MSN: variants seen among roughly 807,000 people sequenced by gnomAD.
The protein encoded by MSN is epididymis luminal protein 70.
Under a neutral mutation model 48.0 loss-of-function variants are expected in MSN, and 2 were observed. That is an observed-to-expected ratio of 0.04 (90% CI 0.02 to 0.13). The LOEUF (loss-of-function observed/expected upper bound fraction) is 0.13, where lower values mean the gene tolerates loss of function less well. Ranked by LOEUF, MSN falls within the 10% of genes least tolerant of loss-of-function variation. MSN has a pLI of 1.00. For synonymous variants in MSN, 146 were observed against 166.9 expected (o/e 0.87, Z 0.97); for missense variants, 267 against 470.1 (o/e 0.57, Z 3.99).
chrX:65,648,053 TAGAG>T (rs920276742), intron 1 of MSN, among the ~76,000 whole-genome samples: 1 of 104,369 alleles, frequency 9.6e-6, no homozygotes, highest in Non-Finnish European at 1.9e-5. Flanking sequence ...GCAGTGGACA[TAGAG>T]AGAAGCAGAC....
chrX:65,667,555 G>A (rs1170755237), upstream of MSN: 12 of 777,409 alleles, frequency 1.5e-5, no homozygotes, highest in African/African-American at 2.3e-5. Context: ...AGGCGGGGCT[G>A]GGCGGGGCAA....
intron 1 of MSN, among the ~76,000 whole-genome samples, chrX:65,688,866 T>C (rs950335635): frequency 8.9e-6 from 1 of 111,902 alleles, no homozygotes; most frequent in African/African-American, 3.3e-5. Context: ...TAATTGTGCT[T>C]TCCACCTGGT....
intron 1 of MSN, among the ~76,000 whole-genome samples, chrX:65,628,650 T>C (rs192705065): frequency 8.9e-6 from 1 of 112,298 alleles, no homozygotes; most frequent in East Asian, 2.8e-4. Flanking sequence ...ATTAGGCTCC[T>C]TGCTACTTAT....
At chrX:65,598,261 C>T (rs2070202721) in intron 1 of MSN, among the ~76,000 whole-genome samples, 1 of 107,431 alleles carries the variant, frequency 9.3e-6, no homozygotes, top group African/African-American at 3.4e-5. Context: ...GAGGGAAAGA[C>T]TAAAGAGGAA....
rs2071059802 is a variant in MSN at position 65,681,943 on chromosome X, T to G, written c.12+14090T>G. Among the ~76,000 whole-genome samples the G allele has an allele frequency of 4.5e-5, 5 of 111,231 alleles. No homozygotes were observed. In the South Asian group the frequency reaches 1.9e-3, roughly 42 times the overall value. On this transcript the variant is annotated intron_variant, in intron 1 of 12. Transcript: ENST00000360270. ...TTATTTTTTTTTTAAGTAGGAAGTA[T>G]GCAGGGAAGTACCATCTCCTCACTC...
chrX:65,644,032 C>G (rs745804523), intron 1 of MSN, among the ~76,000 whole-genome samples: 4 of 112,066 alleles, frequency 3.6e-5, no homozygotes, highest in African/African-American at 1.3e-4. Flanking sequence ...TCAGTTTTCT[C>G]TTCTGTAAAA....
intron 6 of MSN, among the ~76,000 whole-genome samples, chrX:65,732,312 T>C (rs1158364079): frequency 8.9e-6 from 1 of 112,471 alleles, no homozygotes; most frequent in East Asian, 2.8e-4. Flanking sequence ...GTAAAATGTC[T>C]TAATATTTTA....
intron 1 of MSN, among the ~76,000 whole-genome samples, chrX:65,683,009 A>G (rs2071072716): frequency 8.9e-6 from 1 of 112,182 alleles, no homozygotes; most frequent in East Asian, 2.8e-4. Context: ...TCTTCACATA[A>G]TACAGTAGTG....
At chrX:65,682,768 T>C (rs1027595972) in intron 1 of MSN, among the ~76,000 whole-genome samples, 10 of 112,592 alleles carry the variant, frequency 8.9e-5, no homozygotes, top group African/African-American at 3.2e-4. Context: ...ACTATTTTCA[T>C]GTTGGAACTG....
chrX:65,731,271 A>T (rs1283754067), intron 5 of MSN, 81 bp downstream of exon 5: 1 of 814,011 alleles, frequency 1.2e-6, no homozygotes, highest in African/African-American at 2.0e-5. Context: ...GAGACTGATG[A>T]CAAGGGACAT....
chrX:65,713,505 C>T (rs780973776), intron 1 of MSN, among the ~76,000 whole-genome samples: 7 of 112,015 alleles, frequency 6.2e-5, no homozygotes, highest in Non-Finnish European at 9.4e-5. Flanking sequence ...GCCCTCCATC[C>T]CATTCCTGCC....
chrX:65,694,317 C>T (rs1176057534), intron 1 of MSN, among the ~76,000 whole-genome samples: 1 of 110,326 alleles, frequency 9.1e-6, no homozygotes, highest in African/African-American at 3.3e-5. Context: ...TCCTATACTA[C>T]ATTATCTCTT....
chrX:65,698,052 G>T (rs865937343), intron 1 of MSN, among the ~76,000 whole-genome samples: 1 of 111,979 alleles, frequency 8.9e-6, no homozygotes, highest in African/African-American at 3.2e-5. Context: ...TTAGGCAGCC[G>T]CGTGTTCTCT....
At chrX:65,689,918 A>T (rs991073737) in intron 1 of MSN, among the ~76,000 whole-genome samples, 1 of 111,163 alleles carries the variant, frequency 9.0e-6, no homozygotes, top group Non-Finnish European at 1.9e-5. Context: ...TGAACTCATG[A>T]CCTTTGGAAA....
chrX:65,588,453 T>A (rs1010245950), exon 1 of MSN: 1 of 527,407 alleles, frequency 1.9e-6, no homozygotes, highest in African/African-American at 2.5e-5. Context: ...GAGCACACCC[T>A]GGCCCTGGGG....
chrX:65,626,036 G>A (rs1187162199), intron 1 of MSN, among the ~76,000 whole-genome samples: 2 of 101,217 alleles, frequency 2.0e-5, no homozygotes, highest in East Asian at 6.3e-4. Context: ...CTCACTGCAA[G>A]CTCTGCCTCC....
intron 2 of MSN, among the ~76,000 whole-genome samples, chrX:65,724,777 C>G (rs140448392): frequency 0.016 from 1,826 of 111,321 alleles, 44 homozygotes; most frequent in African/African-American, 0.057. Flanking sequence ...TCCTCCACCT[C>G]CCAGGTTCAA....
intron 1 of MSN, among the ~76,000 whole-genome samples, chrX:65,712,927 A>T (rs1446294750): frequency 2.7e-5 from 3 of 111,451 alleles, no homozygotes; most frequent in African/African-American, 9.8e-5. Flanking sequence ...TTGGATTTAG[A>T]CCTGGATTCA....
Position 65,629,717 on chromosome X carries a change from A to T in MSN, c.-22+41105A>T, listed in dbSNP as rs759125315. Among the ~76,000 whole-genome samples the T allele has an allele frequency of 2.8e-4, 31 of 111,545 alleles. 1 individual carries two copies. The South Asian group carries it at 5.2e-3, about 19-fold the overall frequency. ...AGATAAATCCAGCAGATCTTGTGAG[A>T]CTTATTCACTATCATGAGAATAGCG... On this transcript the variant is annotated intron_variant, in intron 1 of 3. Transcript: ENST00000609672.
Sources: allele counts gnomAD v4.1 joint callset (sites outside exome capture counted in the v4.1 genomes callset), GRCh38; gene constraint gnomAD v4.1.1; transcripts MANE v1.5; gene names NCBI Gene and HGNC (gene_info 2026-07-23, HGNC 2026-07-21).